Variants in NLRP2B observed in about 807,000 individuals in gnomAD.
The protein encoded by NLRP2B is NLR family pyrin domain-containing protein 2B.
For missense variants in NLRP2B, 25 were observed against 6.8 expected (o/e 3.70, Z -3.00); for synonymous variants, 16 against 3.5 (o/e 4.63, Z -4.03).
rs1348148414 is a variant in NLRP2B at position 57,679,756 on chromosome X, T to A, written c.*367A>T. 2.6e-6 allele frequency: 1 copy of A among 378,810 alleles called. No individual in the cohort carries two copies. The highest frequency in any genetic ancestry group is 4.1e-5 in the East Asian group (1 of 24,214). 31.2% of individuals were successfully genotyped at this position (378,810 alleles called of 1,213,427 possible). A position where few individuals can be genotyped will look rare whatever the true frequency, so the allele number is the denominator to read the frequency against. On this transcript the variant is annotated 3_prime_UTR_variant, in exon 1 of 1. Transcript: ENST00000434992. ...GTCTCCAGGCCAGGTTTTCCACATT[T>A]GCCAGAACTTCGTCTTCAATATACT...
chrX:57,678,946 A>G lies in NLRP2B; in HGVS notation c.*1177T>C. 2.2e-6 allele frequency: 1 copy of G among 457,950 alleles called. No homozygotes were observed. 37.7% of individuals were successfully genotyped at this position (457,950 alleles called of 1,213,427 possible). ...GCTCAGCGCCCGCAGCACGCCCCAG[A>G]GCTGTGCGCCCTGCGGGAACCGGCC... On this transcript the variant is annotated 3_prime_UTR_variant, in exon 1 of 1. Coordinates refer to ENST00000434992, the MANE Select transcript of NLRP2B (RefSeq NM_001319967.1).
Position 57,679,298 on chromosome X carries a change from T to C in NLRP2B, c.*825A>G. 2 of 507,443 alleles carry C rather than the reference T, an allele frequency of 3.9e-6. No individual in the cohort carries two copies. The allele number at this position is 507,443 out of a possible 1,213,427, so 41.8% of individuals were successfully genotyped here. A position where few individuals can be genotyped will look rare whatever the true frequency, so the allele number is the denominator to read the frequency against. ...GCGGCCCTGGGTAAAATCTTCCTCT[T>C]CAGTAACCTCCCCAAGAAGACCGGC... On this transcript the variant is annotated 3_prime_UTR_variant, in exon 1 of 1. Coordinates refer to ENST00000434992, the MANE Select transcript of NLRP2B (RefSeq NM_001319967.1).
Position 57,677,901 on chromosome X carries a change from A to T in NLRP2B, c.*2222T>A. 2.3e-6 allele frequency: 1 copy of T among 435,336 alleles called. No homozygotes were observed. Among genetic ancestry groups the T allele is most frequent in the Non-Finnish European group, 4.3e-6 (1 of 233,654 alleles). 35.9% of individuals were successfully genotyped at this position (435,336 alleles called of 1,213,427 possible). ...TGGTGGAAAAAGACACCAACCCGAGATATTGCAGGTTACATTTTGAGTGTC... is the reference window on the plus strand; with the variant it reads ...TGGTGGAAAAAGACACCAACCCGAGTTATTGCAGGTTACATTTTGAGTGTC... On this transcript the variant is annotated 3_prime_UTR_variant, in exon 1 of 1. Coordinates refer to ENST00000434992, the MANE Select transcript of NLRP2B (RefSeq NM_001319967.1).
rs1234723579 is a variant in NLRP2B, at chrX:57,679,008, G to A, written c.*1115C>T. On this transcript the variant is annotated 3_prime_UTR_variant, in exon 1 of 1. Transcript: ENST00000434992. Reference sequence around the variant, plus strand: ...GCAGGAACAGCCCCGTGCGGGTGGGGCGGGTCCTTCCCCTTCTAACCTCTG... The same window carrying A: ...GCAGGAACAGCCCCGTGCGGGTGGGACGGGTCCTTCCCCTTCTAACCTCTG... 6 of 437,701 alleles carry A rather than the reference G, an allele frequency of 1.4e-5. No individual in the cohort carries two copies. Among genetic ancestry groups the A allele is most frequent in the Non-Finnish European group, 2.0e-5 (5 of 250,804 alleles). 36.1% of individuals were successfully genotyped at this position (437,701 alleles called of 1,213,427 possible).
chrX:57,679,345 T>TA lies in NLRP2B; in HGVS notation c.*777_*778insT. The TA allele has an allele frequency of 1.7e-6, 1 of 600,634 alleles. No homozygotes were observed. The highest frequency in any genetic ancestry group is 2.8e-6 in the Non-Finnish European group (1 of 357,621). The allele number at this position is 600,634 out of a possible 1,213,427, so 49.5% of individuals were successfully genotyped here. A position where few individuals can be genotyped will look rare whatever the true frequency, so the allele number is the denominator to read the frequency against. On this transcript the variant is annotated 3_prime_UTR_variant, in exon 1 of 1. Coordinates refer to ENST00000434992, the MANE Select transcript of NLRP2B (RefSeq NM_001319967.1). The stretch of plus-strand genomic sequence containing the variant: ...CGGCACCGGCTTCTGCTTCTCCCAG[T>TA]CCCCACAGATGTCCTAGATCAGTGC...
rs1233540711 is a variant in NLRP2B at position 57,678,662 on chromosome X, C to G, written c.*1461G>C. On this transcript the variant is annotated 3_prime_UTR_variant, in exon 1 of 1. Coordinates refer to ENST00000434992, the MANE Select transcript of NLRP2B (RefSeq NM_001319967.1). Reference sequence around the variant, plus strand: ...TCTTCTCTAGAAAACAGCTTCTGCACGTCTCCATTGTCCCAGGCGTGGCCG... The same window carrying G: ...TCTTCTCTAGAAAACAGCTTCTGCAGGTCTCCATTGTCCCAGGCGTGGCCG... 1 of 424,747 alleles carries G rather than the reference C, an allele frequency of 2.4e-6. No homozygotes were observed. The allele number at this position is 424,747 out of a possible 1,213,427, so 35.0% of individuals were successfully genotyped here.
chrX:57,679,837 C>T lies in NLRP2B; in HGVS notation c.*286G>A, dbSNP rs2011755140. On this transcript the variant is annotated 3_prime_UTR_variant, in exon 1 of 1. Coordinates refer to ENST00000434992, the MANE Select transcript of NLRP2B (RefSeq NM_001319967.1). ...TCCTTTCAAGACTTCTTTAGCTTCT[C>T]TTAGGCTGGTGACATCTTCCTCCGT... 1.0e-5 allele frequency: 3 copies of T among 286,758 alleles called. No homozygotes were observed. Among genetic ancestry groups the T allele is most frequent in the Middle Eastern group, 9.3e-4 (1 of 1,070 alleles). The allele number at this position is 286,758 out of a possible 1,213,427, so 23.6% of individuals were successfully genotyped here.
Position 57,677,862 on chromosome X carries a change from C to T in NLRP2B, c.*2261G>A, listed in dbSNP as rs2011722123. On this transcript the variant is annotated 3_prime_UTR_variant, in exon 1 of 1. Transcript: ENST00000434992. ...CTTCAAGGGCCAAGGAGAGATCAGCCCATTGCTAAGTGGTGGTGGAAAAAG... is the reference window on the plus strand; with the variant it reads ...CTTCAAGGGCCAAGGAGAGATCAGCTCATTGCTAAGTGGTGGTGGAAAAAG... The T allele has an allele frequency of 4.7e-6, 2 of 428,080 alleles. No individual in the cohort carries two copies. Among genetic ancestry groups the T allele is most frequent in the South Asian group, 2.9e-5 (1 of 34,360 alleles). 35.3% of individuals were successfully genotyped at this position (428,080 alleles called of 1,213,427 possible).
chrX:57,677,506 G>A lies in NLRP2B; in HGVS notation c.*2617C>T. 3.0e-6 allele frequency: 1 copy of A among 333,538 alleles called. No individual in the cohort carries two copies. The allele number at this position is 333,538 out of a possible 1,213,427, so 27.5% of individuals were successfully genotyped here. On this transcript the variant is annotated 3_prime_UTR_variant, in exon 1 of 1. Transcript: ENST00000434992. ...GCTTGATTTTTCTTGGAGAAGCTCT[G>A]CGAGATAACAGCAGCCATTGCTAGT...
In NLRP2B at chrX:57,678,904, C is replaced by T. The variant is rs2011738720; in HGVS notation, c.*1219G>A. 1 of 398,117 alleles carries T rather than the reference C, an allele frequency of 2.5e-6. No individual in the cohort carries two copies. Among genetic ancestry groups the T allele is most frequent in the South Asian group, 3.3e-5 (1 of 30,366 alleles). The allele number at this position is 398,117 out of a possible 1,213,427, so 32.8% of individuals were successfully genotyped here. ...GAACACTGACATCTGCGCCCACAGGCCCTGTGCCGCCAGGAGGCTCAGCGC... is the reference window on the plus strand; with the variant it reads ...GAACACTGACATCTGCGCCCACAGGTCCTGTGCCGCCAGGAGGCTCAGCGC... On this transcript the variant is annotated 3_prime_UTR_variant, in exon 1 of 1. Transcript: ENST00000434992.
chrX:57,679,953 T>A lies in NLRP2B; in HGVS notation c.*170A>T, dbSNP rs750218224. The A allele has an allele frequency of 3.4e-6, 1 of 296,643 alleles. No homozygotes were observed. Among genetic ancestry groups the A allele is most frequent in the Non-Finnish European group, 5.9e-6 (1 of 170,637 alleles). The allele number at this position is 296,643 out of a possible 1,213,427, so 24.4% of individuals were successfully genotyped here. On this transcript the variant is annotated 3_prime_UTR_variant, in exon 1 of 1. Coordinates refer to ENST00000434992, the MANE Select transcript of NLRP2B (RefSeq NM_001319967.1). ...GCTCTTCTTTCCCTGTTTTCCCTAA[T>A]GATACAGGCTTGATTTCAAAGTGTC...
In NLRP2B at chrX:57,678,989, A is replaced by G; in HGVS notation, c.*1134T>C. On this transcript the variant is annotated 3_prime_UTR_variant, in exon 1 of 1. Transcript: ENST00000434992. Reference sequence around the variant, plus strand: ...AACCGGCCGCAAAGGAAGCGCAGGAACAGCCCCGTGCGGGTGGGGCGGGTC... The same window carrying G: ...AACCGGCCGCAAAGGAAGCGCAGGAGCAGCCCCGTGCGGGTGGGGCGGGTC... 4.4e-6 allele frequency: 2 copies of G among 453,760 alleles called. No individual in the cohort carries two copies. Among genetic ancestry groups the G allele is most frequent in the South Asian group, 5.6e-5 (2 of 35,627 alleles). The allele number at this position is 453,760 out of a possible 1,213,427, so 37.4% of individuals were successfully genotyped here.
chrX:57,678,007 C>T lies in NLRP2B; in HGVS notation c.*2116G>A. The T allele has an allele frequency of 2.1e-6, 1 of 473,387 alleles. No individual in the cohort carries two copies. The highest frequency in any genetic ancestry group is 3.9e-6 in the Non-Finnish European group (1 of 259,459). 39.0% of individuals were successfully genotyped at this position (473,387 alleles called of 1,213,427 possible). A position where few individuals can be genotyped will look rare whatever the true frequency, so the allele number is the denominator to read the frequency against. On this transcript the variant is annotated 3_prime_UTR_variant, in exon 1 of 1. Transcript: ENST00000434992. ...CAGATATCTTACAGTCTTGTGACCTCAAAGAGCTAGGCAGAGGTTCCGATA... is the reference window on the plus strand; with the variant it reads ...CAGATATCTTACAGTCTTGTGACCTTAAAGAGCTAGGCAGAGGTTCCGATA...
rs768916717 is a variant in NLRP2B, at chrX:57,679,192, C to T, written c.*931G>A. 27 of 465,425 alleles carry T rather than the reference C, an allele frequency of 5.8e-5. No individual in the cohort carries two copies. Among genetic ancestry groups the T allele is most frequent in the Non-Finnish European group, 1.0e-4 (26 of 251,470 alleles). 38.4% of individuals were successfully genotyped at this position (465,425 alleles called of 1,213,427 possible). A position where few individuals can be genotyped will look rare whatever the true frequency, so the allele number is the denominator to read the frequency against. On this transcript the variant is annotated 3_prime_UTR_variant, in exon 1 of 1. Transcript: ENST00000434992. The stretch of plus-strand genomic sequence containing the variant: ...GCCCTCCTGTCCTTCTCCAGGAACT[C>T]CTCCACCCTTACATAGATCGGCCGC...
chrX:57,678,378 T>C lies in NLRP2B; in HGVS notation c.*1745A>G. On this transcript the variant is annotated 3_prime_UTR_variant, in exon 1 of 1. Transcript: ENST00000434992. Reference sequence around the variant, plus strand: ...TGTCTACTGCATTTAAGTGCAGGGATATTTCTTTGAACGGAGCCATCACTC... The same window carrying C: ...TGTCTACTGCATTTAAGTGCAGGGACATTTCTTTGAACGGAGCCATCACTC... 1 of 525,219 alleles carries C rather than the reference T, an allele frequency of 1.9e-6. No homozygotes were observed. The highest frequency in any genetic ancestry group is 2.4e-5 in the South Asian group (1 of 41,123). 43.3% of individuals were successfully genotyped at this position (525,219 alleles called of 1,213,427 possible).
chrX:57,677,891 C>A lies in NLRP2B; in HGVS notation c.*2232G>T. ...TGCTAAGTGGTGGTGGAAAAAGACA[C>A]CAACCCGAGATATTGCAGGTTACAT... On this transcript the variant is annotated 3_prime_UTR_variant, in exon 1 of 1. Coordinates refer to ENST00000434992, the MANE Select transcript of NLRP2B (RefSeq NM_001319967.1). 4.7e-6 allele frequency: 2 copies of A among 428,110 alleles called. No individual in the cohort carries two copies. Among genetic ancestry groups the A allele is most frequent in the Non-Finnish European group, 4.4e-6 (1 of 229,078 alleles). The allele number at this position is 428,110 out of a possible 1,213,427, so 35.3% of individuals were successfully genotyped here. A position where few individuals can be genotyped will look rare whatever the true frequency, so the allele number is the denominator to read the frequency against.
rs1602999135 is a variant in NLRP2B at position 57,677,881 on chromosome X, G to A, written c.*2242C>T. 2.3e-6 allele frequency: 1 copy of A among 425,539 alleles called. No homozygotes were observed. 35.1% of individuals were successfully genotyped at this position (425,539 alleles called of 1,213,427 possible). A position where few individuals can be genotyped will look rare whatever the true frequency, so the allele number is the denominator to read the frequency against. On this transcript the variant is annotated 3_prime_UTR_variant, in exon 1 of 1. Coordinates refer to ENST00000434992, the MANE Select transcript of NLRP2B (RefSeq NM_001319967.1). Reference sequence around the variant, plus strand: ...ATCAGCCCATTGCTAAGTGGTGGTGGAAAAAGACACCAACCCGAGATATTG... The same window carrying A: ...ATCAGCCCATTGCTAAGTGGTGGTGAAAAAAGACACCAACCCGAGATATTG...
Position 57,679,458 on chromosome X carries a change from C to A in NLRP2B, c.*665G>T. ...CTAGGATGTTTGGAATGTCATCCTG[C>A]AATTCAGGCCAGTTCCTGAAGACCA... On this transcript the variant is annotated 3_prime_UTR_variant, in exon 1 of 1. Transcript: ENST00000434992. The A allele has an allele frequency of 1.0e-6, 1 of 989,085 alleles. No individual in the cohort carries two copies. The highest frequency in any genetic ancestry group is 1.4e-6 in the Non-Finnish European group (1 of 695,498). The allele number at this position is 989,085 out of a possible 1,213,427, so 81.5% of individuals were successfully genotyped here.
In NLRP2B at chrX:57,679,344, G is replaced by T. The variant is rs73226022; in HGVS notation, c.*779C>A. The T allele has an allele frequency of 0.17, 103,532 of 598,102 alleles. 7,946 individuals carry two copies. The highest frequency in any genetic ancestry group is 0.22 in the Non-Finnish European group (77,413 of 356,640). 49.3% of individuals were successfully genotyped at this position (598,102 alleles called of 1,213,427 possible). A position where few individuals can be genotyped will look rare whatever the true frequency, so the allele number is the denominator to read the frequency against. On this transcript the variant is annotated 3_prime_UTR_variant, in exon 1 of 1. Coordinates refer to ENST00000434992, the MANE Select transcript of NLRP2B (RefSeq NM_001319967.1). ...CCGGCACCGGCTTCTGCTTCTCCCA[G>T]TCCCCACAGATGTCCTAGATCAGTG... is the stretch of plus-strand genomic sequence containing the variant.
Sources: allele counts gnomAD v4.1 joint callset, GRCh38; gene constraint gnomAD v4.1.1; transcripts MANE v1.5; gene names NCBI Gene and HGNC (gene_info 2026-07-23, HGNC 2026-07-21).